Variants in MYOZ2 observed in about 807,000 individuals in gnomAD.
MYOZ2 encodes the protein myozenin-2.
Under a neutral mutation model 25.4 loss-of-function variants are expected in MYOZ2, and 19 were observed. The observed-to-expected ratio is 0.75, with a 90% CI of 0.52 to 1.10. The LOEUF is 1.10. Among genes scored for constraint, MYOZ2 ranks in the 50% least tolerant of loss-of-function variants. The pLI is 0.00. For missense variants in MYOZ2, 270 were observed against 317.9 expected (o/e 0.85, Z 1.15); for synonymous variants, 92 against 106.9 (o/e 0.86, Z 0.86).
At chr4:119,145,051 T>C (rs191532108) in intron 2 of MYOZ2, among the ~76,000 whole-genome samples, 20 of 152,256 alleles carry the variant, frequency 1.3e-4, no homozygotes, top group Non-Finnish European at 2.5e-4. Context: ...AAAGTGATTT[T>C]TCTTCCTTAG....
intron 5 of MYOZ2, 38 bp downstream of exon 5, chr4:119,164,432 A>G (rs754562224): frequency 6.2e-7 from 1 of 1,608,196 alleles, no homozygotes; most frequent in Non-Finnish European, 8.5e-7. Context: ...TTGGCATGCA[A>G]TACCAAAATT....
chr4:119,136,374 C>T (rs1274630840), intron 1 of MYOZ2, 138 bp from the exon 2 acceptor site: 11 of 722,872 alleles, frequency 1.5e-5, no homozygotes, highest in South Asian at 5.2e-5. Context: ...ATAAGGAATG[C>T]GTATTGAAGT....
At position 119,145,510 on chromosome 4, in the gene MYOZ2, G is replaced by C. The variant is rs1018677040; in HGVS notation, c.77-5362G>C. On this transcript the variant is annotated intron_variant, in intron 2 of 5. Transcript: ENST00000307128. ...CACCACCATGCCCAGCTAAAACTGT[G>C]TGTGTGTGTGTGTGTGTGTGTGTGT... Among the ~76,000 whole-genome samples the C allele has an allele frequency of 9.7e-3, 531 of 54,990 alleles. 2 individuals carry two copies. The highest frequency in any genetic ancestry group is 0.041 in the Middle Eastern group (4 of 98). The allele number at this position is 54,990 out of a possible 152,430, so 36.1% of individuals were successfully genotyped here.
chr4:119,150,644 A>G (rs1173061208), intron 2 of MYOZ2, among the ~76,000 whole-genome samples: 1 of 152,100 alleles, frequency 6.6e-6, no homozygotes, highest in African/African-American at 2.4e-5. Context: ...ACCAGGCTAC[A>G]TGCTTTACAT....
At chr4:119,147,812 T>C (rs970896000) in intron 2 of MYOZ2, among the ~76,000 whole-genome samples, 20 of 152,260 alleles carry the variant, frequency 1.3e-4, no homozygotes, top group African/African-American at 4.8e-4. Flanking sequence ...GTCTTAAGTA[T>C]TTCTTCTACA....
intron 4 of MYOZ2, among the ~76,000 whole-genome samples, chr4:119,159,220 A>G (rs1044761846): frequency 6.6e-6 from 1 of 152,176 alleles, no homozygotes; most frequent in African/African-American, 2.4e-5. Context: ...ACTTTAGGCC[A>G]GGAGCTCGAG....
intron 5 of MYOZ2, among the ~76,000 whole-genome samples, chr4:119,183,276 A>G (rs968819779): frequency 1.3e-5 from 2 of 152,164 alleles, no homozygotes; most frequent in African/African-American, 4.8e-5. Context: ...AGGTGAAAAT[A>G]GAAGTCATGG....
intron 5 of MYOZ2, among the ~76,000 whole-genome samples, chr4:119,168,263 C>T (rs149489907): frequency 0.029 from 4,471 of 152,324 alleles, 237 homozygotes; most frequent in African/African-American, 0.1. Context: ...TGAGCCACTG[C>T]GCCCAGCCTA....
rs574675939 is a variant in MYOZ2 at position 119,153,022 on chromosome 4, C to T, written c.246+1981C>T. 2.5e-3 allele frequency among the ~76,000 whole-genome samples: 382 copies of T among 151,192 alleles called. 1 individual carries two copies. The highest frequency in any genetic ancestry group is 8.0e-3 in the African/African-American group (331 of 41,246). ...GACCAAGGTTTGGTCCTGGCTCTCC[C>T]ACCAGCCATGTGATTTAGTGTTAAC... On this transcript the variant is annotated intron_variant, in intron 3 of 5. Transcript: ENST00000307128.
At chr4:119,154,617 T>G (rs1194971925) in intron 3 of MYOZ2, among the ~76,000 whole-genome samples, 1 of 152,124 alleles carries the variant, frequency 6.6e-6, no homozygotes. Flanking sequence ...TTAGGTGAAA[T>G]TCATTTAATG....
At chr4:119,146,457 T>C (rs1161212735) in intron 2 of MYOZ2, among the ~76,000 whole-genome samples, 1 of 152,174 alleles carries the variant, frequency 6.6e-6, no homozygotes, top group Admixed American at 6.5e-5. Context: ...GAATTTTTAA[T>C]TTCCTTTGAG....
intron 5 of MYOZ2, among the ~76,000 whole-genome samples, chr4:119,166,572 A>G (rs1310381093): frequency 1.3e-5 from 2 of 152,082 alleles, no homozygotes; most frequent in Non-Finnish European, 2.9e-5. Flanking sequence ...TAGTACGTGC[A>G]TTGCTTTAGA....
At chr4:119,164,627 A>G (rs973232932) in intron 5 of MYOZ2, among the ~76,000 whole-genome samples, 1 of 152,228 alleles carries the variant, frequency 6.6e-6, no homozygotes, top group Non-Finnish European at 1.5e-5. Context: ...TTCAGAAACT[A>G]TCATTGGTAT....
At chr4:119,174,749 G>C (rs994521708) in intron 5 of MYOZ2, among the ~76,000 whole-genome samples, 1 of 152,088 alleles carries the variant, frequency 6.6e-6, no homozygotes, top group South Asian at 2.1e-4. Context: ...CAACCCGCTC[G>C]GGTCCCCTTC....
intron 4 of MYOZ2, among the ~76,000 whole-genome samples, chr4:119,162,620 G>A (rs1386037104): frequency 6.6e-6 from 1 of 152,178 alleles, no homozygotes; most frequent in Non-Finnish European, 1.5e-5. Context: ...TGGAGTTTTA[G>A]GTAATACCTG....
chr4:119,138,663 G>A (rs576434609), intron 2 of MYOZ2, among the ~76,000 whole-genome samples: 38 of 152,168 alleles, frequency 2.5e-4, no homozygotes, highest in Non-Finnish European at 4.1e-4. Context: ...AAATTGAAAA[G>A]GATGTTCCAG....
chr4:119,151,921 T>C (rs1741460592), intron 3 of MYOZ2, among the ~76,000 whole-genome samples: 1 of 152,164 alleles, frequency 6.6e-6, no homozygotes, highest in Non-Finnish European at 1.5e-5. Flanking sequence ...AATGGACAGC[T>C]CCCTTCTTTA....
At position 119,186,738 on chromosome 4, in the gene MYOZ2, T is replaced by C. The variant is rs1742301606; in HGVS notation, c.*538T>C. 1 of 153,716 alleles carries C rather than the reference T, an allele frequency of 6.5e-6. No individual in the cohort carries two copies. The highest frequency in any genetic ancestry group is 1.4e-5 in the Non-Finnish European group (1 of 69,212). The allele number at this position is 153,716 out of a possible 1,614,324, so 9.5% of individuals were successfully genotyped here. On this transcript the variant is annotated 3_prime_UTR_variant, in exon 6 of 6. Coordinates refer to ENST00000307128, the MANE Select transcript of MYOZ2 (RefSeq NM_016599.5). ...AGTCACTCTTAGAATTCTAAAGTGC[T>C]TTGCACTTTTCAATATGTTTTGAAT...
At chr4:119,164,418 A>G (rs1741778939) in intron 5 of MYOZ2, 24 bp downstream of exon 5, 2 of 1,613,356 alleles carry the variant, frequency 1.2e-6, no homozygotes, top group African/African-American at 1.3e-5. Context: ...CCTGGGTGAC[A>G]CTGTTGGCAT....
Sources: gnomAD v4.1 joint callset for allele counts (sites outside exome capture counted in the v4.1 genomes callset) on GRCh38, gnomAD v4.1.1 for gene constraint, MANE v1.5 for transcripts, NCBI Gene and HGNC (gene_info 2026-07-23, HGNC 2026-07-21) for gene names.